The following CCSER1 variants were observed in gnomAD, a reference collection of about 807,000 sequenced individuals.
CCSER1 encodes coiled-coil serine rich protein 1.
Under a neutral mutation model 82.0 loss-of-function variants are expected in CCSER1, and 41 were observed. The observed-to-expected ratio is 0.50, with a 90% CI of 0.39 to 0.65. The LOEUF is 0.65. Among genes scored for constraint, CCSER1 ranks in the 30% least tolerant of loss-of-function variants. CCSER1 has a pLI of 0.00. For missense variants in CCSER1, 1,119 were observed against 1,064.2 expected, an observed-to-expected ratio of 1.05 and a Z score of -0.72; for synonymous variants, 414 against 383.9, an observed-to-expected ratio of 1.08 and a Z score of -0.92.
chr4:90,782,677 C>CTT (rs1561127476), intron 7 of CCSER1, among the ~76,000 whole-genome samples: 1 of 95,286 alleles, frequency 1.0e-5, no homozygotes, highest in African/African-American at 4.7e-5. Context: ...TCTTTCTTTT[C>CTT]TTTCTTTCTT....
At chr4:91,346,649 T>C (rs1748084573) in intron 10 of CCSER1, among the ~76,000 whole-genome samples, 1 of 152,212 alleles carries the variant, frequency 6.6e-6, no homozygotes, top group Admixed American at 6.5e-5. Context: ...CATCAGTATT[T>C]GATGTCAGTG....
intron 5 of CCSER1, among the ~76,000 whole-genome samples, chr4:90,553,650 C>A (rs778290343): frequency 1.3e-5 from 2 of 152,104 alleles, no homozygotes; most frequent in Admixed American, 6.5e-5. Flanking sequence ...ATAGTTAACT[C>A]ATTCATTTTA....
chr4:90,973,687 C>A (rs572949835), intron 9 of CCSER1, among the ~76,000 whole-genome samples: 1 of 151,480 alleles, frequency 6.6e-6, no homozygotes, highest in Admixed American at 6.6e-5. Flanking sequence ...GAAATAAGTA[C>A]GTCAAAGAGA....
intron 10 of CCSER1, among the ~76,000 whole-genome samples, chr4:91,322,646 A>C (rs1746276155): frequency 6.6e-6 from 1 of 151,988 alleles, no homozygotes; most frequent in South Asian, 2.1e-4. Flanking sequence ...AATTAAGGGG[A>C]AACATGAACA....
At chr4:90,687,329 T>C (rs1488498685) in intron 6 of CCSER1, among the ~76,000 whole-genome samples, 1 of 152,176 alleles carries the variant, frequency 6.6e-6, no homozygotes, top group Non-Finnish European at 1.5e-5. Context: ...GCTCATCTTT[T>C]GTTTCTGGAA....
At chr4:91,391,493 G>A (rs111948622) in intron 10 of CCSER1, among the ~76,000 whole-genome samples, 117 of 152,092 alleles carry the variant, frequency 7.7e-4, no homozygotes, top group African/African-American at 2.7e-3. Flanking sequence ...TACAGATGGT[G>A]TGTCCCTATG....
intron 6 of CCSER1, among the ~76,000 whole-genome samples, chr4:90,638,924 A>G (rs1014187855): frequency 1.3e-5 from 2 of 152,094 alleles, no homozygotes; most frequent in African/African-American, 4.8e-5. Flanking sequence ...TTGTATAGCT[A>G]CTGTAAGTTG....
At chr4:90,873,468 A>G (rs752766197) in intron 8 of CCSER1, among the ~76,000 whole-genome samples, 1 of 152,146 alleles carries the variant, frequency 6.6e-6, no homozygotes, top group African/African-American at 2.4e-5. Flanking sequence ...CTATTTTACT[A>G]TCTTGTTCCA....
At chr4:90,747,631 ATTTTCTTTTTT>A (rs1747718951) in intron 7 of CCSER1, among the ~76,000 whole-genome samples, 1 of 149,934 alleles carries the variant, frequency 6.7e-6, no homozygotes, top group East Asian at 2.0e-4. Flanking sequence ...AGCTTATCTA[ATTTTCTTTTTT>A]TTTTCTTTTT....
intron 5 of CCSER1, among the ~76,000 whole-genome samples, chr4:90,509,183 G>A (rs1771132356): frequency 6.6e-6 from 1 of 152,166 alleles, no homozygotes; most frequent in East Asian, 1.9e-4. Flanking sequence ...TGCAAAAAGA[G>A]CGTTTTTTAT....
intron 3 of CCSER1, among the ~76,000 whole-genome samples, chr4:90,340,737 G>C (rs1413503974): frequency 6.6e-6 from 1 of 151,884 alleles, no homozygotes; most frequent in Non-Finnish European, 1.5e-5. Context: ...ATTCCCATAA[G>C]GTTTACAAGT....
chr4:90,788,660 G>C (rs531010085), intron 7 of CCSER1, among the ~76,000 whole-genome samples: 57 of 152,282 alleles, frequency 3.7e-4, no homozygotes, highest in Middle Eastern at 3.4e-3. Flanking sequence ...TGTCTGCAAA[G>C]ACCTTATTTC....
chr4:91,270,765 C>T (rs545422648), intron 10 of CCSER1, among the ~76,000 whole-genome samples: 1 of 152,208 alleles, frequency 6.6e-6, no homozygotes, highest in South Asian at 2.1e-4. Context: ...CTCCCTCTTT[C>T]CTATTTGTGG....
rs576438103 is a variant in CCSER1 at position 91,143,564 on chromosome 4, A to G, written c.2217+57570A>G. Among the ~76,000 whole-genome samples, 24 of 152,260 alleles carry G rather than the reference A, an allele frequency of 1.6e-4. 1 individual carries two copies. In the South Asian group the frequency reaches 3.9e-3, roughly 25 times the overall value. Reference sequence around the variant, plus strand: ...GCATCTTTGTCTTATCCCAGGGGGAATGCCTCTAGCTTTTGCCCATTCAGT... The same window carrying G: ...GCATCTTTGTCTTATCCCAGGGGGAGTGCCTCTAGCTTTTGCCCATTCAGT... On this transcript the variant is annotated intron_variant, in intron 10 of 10. Transcript: ENST00000509176.
chr4:90,763,880 GTCA>G (rs1235902110), intron 7 of CCSER1, among the ~76,000 whole-genome samples: 1 of 151,996 alleles, frequency 6.6e-6, no homozygotes, highest in Non-Finnish European at 1.5e-5. Flanking sequence ...TCATTTCCTG[GTCA>G]TCCATTTCTC....
intron 9 of CCSER1, among the ~76,000 whole-genome samples, chr4:90,923,902 A>G (rs1183335735): frequency 6.6e-6 from 1 of 152,228 alleles, no homozygotes; most frequent in Non-Finnish European, 1.5e-5. Flanking sequence ...CTTGGGCTTC[A>G]GTGCAGGCAG....
At chr4:90,431,759 A>G (rs986047703) in intron 4 of CCSER1, among the ~76,000 whole-genome samples, 1 of 152,088 alleles carries the variant, frequency 6.6e-6, no homozygotes, top group Non-Finnish European at 1.5e-5. Flanking sequence ...CTCTAGTTGA[A>G]ATAAAGAGCA....
intron 9 of CCSER1, among the ~76,000 whole-genome samples, chr4:91,062,284 C>T (rs1275669004): frequency 6.6e-6 from 1 of 151,966 alleles, no homozygotes; most frequent in Non-Finnish European, 1.5e-5. Flanking sequence ...CACTCAAACT[C>T]CCCCTTGCAT....
intron 10 of CCSER1, among the ~76,000 whole-genome samples, chr4:91,333,246 A>G (rs895920662): frequency 3.3e-5 from 5 of 152,038 alleles, no homozygotes; most frequent in African/African-American, 7.2e-5. Context: ...TTAATCATCT[A>G]CCACTGTGTA....
Sources: allele counts gnomAD v4.1 joint callset (sites outside exome capture counted in the v4.1 genomes callset), GRCh38; gene constraint gnomAD v4.1.1; transcripts MANE v1.5; gene names NCBI Gene and HGNC (gene_info 2026-07-23, HGNC 2026-07-21).